Variants in MYO16 observed in about 807,000 individuals in gnomAD.
MYO16 encodes the protein myosin XVI, also known as unconventional myosin-XVI.
In MYO16, 94 loss-of-function variants were observed where a neutral mutation model predicts 205.3. The observed-to-expected ratio is 0.46, with a 90% confidence interval of 0.39 to 0.54. MYO16 has a LOEUF of 0.54. Ranked by LOEUF, MYO16 falls within the 20% of genes least tolerant of loss-of-function variation. MYO16 has a pLI of 0.00. For missense variants in MYO16, 2,315 were observed against 2,387.5 expected (o/e 0.97, Z 0.63); for synonymous variants, 988 against 954.0 (o/e 1.04, Z -0.66).
intron 33 of MYO16, among the ~76,000 whole-genome samples, 182 bp from the exon 34 acceptor site, chr13:109,179,360 G>C (rs1408152752): frequency 1.3e-5 from 2 of 152,136 alleles, no homozygotes; most frequent in Non-Finnish European, 2.9e-5. Flanking sequence ...CCTAAATGAA[G>C]CTGCCACAAT....
At chr13:108,621,364 T>A (rs1039698353) in intron 1 of MYO16, among the ~76,000 whole-genome samples, 1 of 152,172 alleles carries the variant, frequency 6.6e-6, no homozygotes, top group East Asian at 1.9e-4. Context: ...GCAGTTTCAG[T>A]TAACCACCGC....
chr13:108,840,319 T>C (rs1384195491), intron 9 of MYO16, among the ~76,000 whole-genome samples: 1 of 152,032 alleles, frequency 6.6e-6, no homozygotes, highest in Non-Finnish European at 1.5e-5. Context: ...ACCTATTTGG[T>C]AGTCTCTTTT....
intron 9 of MYO16, among the ~76,000 whole-genome samples, chr13:108,836,391 T>A (rs1876919289): frequency 6.6e-6 from 1 of 152,216 alleles, no homozygotes; most frequent in South Asian, 2.1e-4. Context: ...AGCAGAGCCC[T>A]CATTGGAGAA....
chr13:108,777,124 G>A (rs143487250), intron 4 of MYO16, among the ~76,000 whole-genome samples: 4 of 152,214 alleles, frequency 2.6e-5, no homozygotes, highest in Non-Finnish European at 5.9e-5. Flanking sequence ...CGAGGAAACT[G>A]GGGCATAAAA....
chr13:108,633,193 C>A (rs1331832869), intron 1 of MYO16, among the ~76,000 whole-genome samples: 2 of 152,094 alleles, frequency 1.3e-5, no homozygotes, highest in Non-Finnish European at 2.9e-5. Context: ...TTAGTCAGGG[C>A]TTTCTTGAGG....
the MYO16 span, among the ~76,000 whole-genome samples, chr13:108,568,619 C>T: frequency 2.0e-5 from 3 of 152,010 alleles, no homozygotes; most frequent in Non-Finnish European, 4.4e-5. Context: ...ATATTTTCTT[C>T]CATGGTGTGG....
chr13:108,584,264 T>C, the MYO16 span, among the ~76,000 whole-genome samples: 1 of 152,218 alleles, frequency 6.6e-6, no homozygotes, highest in Non-Finnish European at 1.5e-5. Context: ...AAGTAGTCTT[T>C]GAACCAATTT....
chr13:108,885,009 G>T (rs991501220), intron 13 of MYO16, among the ~76,000 whole-genome samples: 1 of 145,614 alleles, frequency 6.9e-6, no homozygotes, highest in South Asian at 2.2e-4. Flanking sequence ...AGAGAAAGAC[G>T]CTGAGACGGG....
chr13:108,495,838 C>T, the MYO16 span, among the ~76,000 whole-genome samples: 1 of 151,730 alleles, frequency 6.6e-6, no homozygotes, highest in Admixed American at 6.6e-5. Context: ...ACCCCTCTCA[C>T]CCGCCGCGCG....
At chr13:108,574,708 T>TGTGTGC in the MYO16 span, among the ~76,000 whole-genome samples, 600 of 81,748 alleles carry the variant, frequency 7.3e-3, 6 homozygotes, top group African/African-American at 0.021. Context: ...TGTGTGTGTG[T>TGTGTGC]GCGCTTGTGT....
chr13:108,849,107 G>A (rs1486831753), intron 10 of MYO16, among the ~76,000 whole-genome samples: 1 of 152,178 alleles, frequency 6.6e-6, no homozygotes, highest in African/African-American at 2.4e-5. Context: ...GGGAAGCGAA[G>A]TAAAGTATGT....
At chr13:109,186,917 T>G (rs1879712908) in intron 34 of MYO16, among the ~76,000 whole-genome samples, 1 of 152,228 alleles carries the variant, frequency 6.6e-6, no homozygotes, top group East Asian at 1.9e-4. Flanking sequence ...TTTCTGCTCA[T>G]GGACATTTTC....
intron 13 of MYO16, among the ~76,000 whole-genome samples, chr13:108,885,610 T>C (rs1362949704): frequency 3.9e-5 from 6 of 152,236 alleles, no homozygotes; most frequent in Non-Finnish European, 8.8e-5. Flanking sequence ...AGTTTAACAC[T>C]GTTGACAATA....
chr13:108,592,301 C>T (rs1435112988), upstream of MYO16, among the ~76,000 whole-genome samples: 4 of 19,270 alleles, frequency 2.1e-4, no homozygotes, highest in Admixed American at 7.8e-4. Context: ...GGAGTGTGTC[C>T]GGGAGTTGTA....
At chr13:108,626,388 C>T (rs553931614), upstream of MYO16, among the ~76,000 whole-genome samples, 182 of 152,268 alleles carry the variant, frequency 1.2e-3, no homozygotes, top group African/African-American at 4.1e-3. Context: ...TACCCTCTTT[C>T]GAACGCATGG....
chr13:108,726,428 A>T (rs376757741), intron 3 of MYO16, among the ~76,000 whole-genome samples: 1 of 151,938 alleles, frequency 6.6e-6, no homozygotes, highest in Non-Finnish European at 1.5e-5. Context: ...GTGTGGTGGC[A>T]TGCACCTCTA....
chr13:108,639,760 G>A (rs1181424634), intron 1 of MYO16, among the ~76,000 whole-genome samples: 1 of 152,236 alleles, frequency 6.6e-6, no homozygotes, highest in African/African-American at 2.4e-5. Context: ...CTCTTAGGAT[G>A]ACCCACATGG....
At chr13:108,869,581 G>A (rs1407414520) in intron 12 of MYO16, among the ~76,000 whole-genome samples, 3 of 135,098 alleles carry the variant, frequency 2.2e-5, no homozygotes, top group Non-Finnish European at 3.2e-5. Flanking sequence ...AAAAAAAAAA[G>A]TTAGCCGGGC....
At chr13:108,957,926 G>A (rs964702499) in intron 17 of MYO16, 127 bp downstream of exon 17, 33 of 726,466 alleles carry the variant, frequency 4.5e-5, no homozygotes, top group Non-Finnish European at 6.5e-5. Flanking sequence ...CTGATGATTC[G>A]GCAGACAACA....
Sources: allele counts gnomAD v4.1 joint callset (sites outside exome capture counted in the v4.1 genomes callset), GRCh38; gene constraint gnomAD v4.1.1; transcripts MANE v1.5; gene names NCBI Gene and HGNC (gene_info 2026-07-23, HGNC 2026-07-21).